Variants in VPS26A observed in about 807,000 individuals in gnomAD.
VPS26A encodes the protein VPS26 retromer complex component A, also known as vacuolar protein sorting-associated protein 26A.
VPS26A carries 22 observed loss-of-function variants against 42.4 expected under a neutral mutation model. That is an observed-to-expected ratio of 0.52 (90% CI 0.37 to 0.74). The LOEUF (loss-of-function observed/expected upper bound fraction) is 0.74. Ranked by LOEUF, VPS26A falls within the 30% of genes least tolerant of loss-of-function variation. The pLI, the probability that VPS26A is intolerant of heterozygous loss-of-function variation, is 0.00. For missense variants in VPS26A, 276 were observed against 379.2 expected (o/e 0.73, Z 2.26); for synonymous variants, 110 against 123.5 (o/e 0.89, Z 0.73).
chr10:69,165,546 C>T (rs1841665762), intron 6 of VPS26A, among the ~76,000 whole-genome samples: 1 of 152,090 alleles, frequency 6.6e-6, no homozygotes, highest in South Asian at 2.1e-4. Flanking sequence ...GGTCGCTCAC[C>T]TGTAATCCCA....
At chr10:69,130,731 T>A (rs1840756781) in intron 1 of VPS26A, among the ~76,000 whole-genome samples, 1 of 152,226 alleles carries the variant, frequency 6.6e-6, no homozygotes, top group Admixed American at 6.5e-5. Context: ...TGTAACACCA[T>A]AATGTACCTT....
In VPS26A at chr10:69,157,068, A is replaced by G; in HGVS notation, c.291A>G (p.Leu97=). The G allele has an allele frequency of 6.2e-7, 1 of 1,613,642 alleles. No individual in the cohort carries two copies. The highest frequency in any genetic ancestry group is 1.1e-5 in the South Asian group (1 of 91,052). Residue 97 remains leucine (L), a synonymous_variant, in exon 4 of 9, where the codon TTA becomes TTG. Coordinates refer to ENST00000263559, the MANE Select transcript of VPS26A (RefSeq NM_004896.5). ...EFVNLVKELA[L]PGELTQSRSY... ...TAAACCTAGTGAAAGAACTAGCCTT[A>G]CCTGGAGAACTGACTCAGAGCAGAA...
At chr10:69,163,715 CCA>C (rs951898871) in intron 6 of VPS26A, among the ~76,000 whole-genome samples, 5 of 151,910 alleles carry the variant, frequency 3.3e-5, no homozygotes, top group East Asian at 3.9e-4. Flanking sequence ...GAAATGATTA[CCA>C]CAGTCAAGCT....
At chr10:69,165,377 C>G (rs1426778681) in intron 6 of VPS26A, among the ~76,000 whole-genome samples, 1 of 152,084 alleles carries the variant, frequency 6.6e-6, no homozygotes, top group African/African-American at 2.4e-5. Context: ...GATCTCAAGG[C>G]AAGAGGTCCT....
At chr10:69,160,608 C>CAT in intron 5 of VPS26A, among the ~76,000 whole-genome samples, 1 of 151,448 alleles carries the variant, frequency 6.6e-6, no homozygotes, top group South Asian at 2.1e-4. Context: ...TGTGCCACCA[C>CAT]GCCCGGCTAA....
intron 2 of VPS26A, among the ~76,000 whole-genome samples, chr10:69,134,293 G>A (rs956960306): frequency 6.6e-6 from 1 of 151,820 alleles, no homozygotes; most frequent in African/African-American, 2.4e-5. Flanking sequence ...TTCCTCTATT[G>A]TTTGATATTT....
chr10:69,152,969 CAA>C (rs11284955), intron 2 of VPS26A, among the ~76,000 whole-genome samples: 87 of 129,502 alleles, frequency 6.7e-4, no homozygotes, highest in Non-Finnish European at 7.8e-4. Context: ...GGCTCTGTCT[CAA>C]AAAAAAAAAA....
At chr10:69,161,072 T>C (rs891503182) in intron 5 of VPS26A, among the ~76,000 whole-genome samples, 1 of 152,188 alleles carries the variant, frequency 6.6e-6, no homozygotes, top group Non-Finnish European at 1.5e-5. Flanking sequence ...TGTGTGTGTT[T>C]GTTTTGAGAA....
At chr10:69,169,887 G>A (rs1253552734) in intron 8 of VPS26A, 1 of 152,194 alleles carries the variant, frequency 6.6e-6, no homozygotes, top group Non-Finnish European at 1.5e-5. Flanking sequence ...GGGATTACAG[G>A]AATGAGCCAC....
At chr10:69,159,108 C>T (rs1233804732) in intron 5 of VPS26A, among the ~76,000 whole-genome samples, 1 of 152,142 alleles carries the variant, frequency 6.6e-6, no homozygotes, top group Non-Finnish European at 1.5e-5. Context: ...GGTGCGGTGG[C>T]TCACACCTGT....
rs929225693 is a variant in VPS26A at position 69,132,774 on chromosome 10, A to G, written c.4-124A>G. 6.9e-6 allele frequency: 7 copies of G among 1,015,720 alleles called. No homozygotes were observed. The African/African-American group carries it at 8.3e-5, about 12-fold the overall frequency. The allele number at this position is 1,015,720 out of a possible 1,614,324, so 62.9% of individuals were successfully genotyped here. A position where few individuals can be genotyped will look rare whatever the true frequency, so the allele number is the denominator to read the frequency against. ...GTAGCATTTGATATATGTTTTTATC[A>G]TTTCCTTATGAACTCACAGATTTGC... On this transcript the variant is annotated intron_variant, in intron 1 of 8. Transcript: ENST00000263559.
intron 7 of VPS26A, among the ~76,000 whole-genome samples, chr10:69,168,029 T>C (rs1007490837): frequency 1.3e-5 from 2 of 152,188 alleles, no homozygotes; most frequent in Non-Finnish European, 2.9e-5. Flanking sequence ...ACACATTCCT[T>C]GTGAATACTA....
chr10:69,161,177 A>G (rs1411305326), intron 5 of VPS26A, among the ~76,000 whole-genome samples: 1 of 152,124 alleles, frequency 6.6e-6, no homozygotes, highest in Non-Finnish European at 1.5e-5. Flanking sequence ...ATCTCACCTC[A>G]GCCTCCTGAG....
At chr10:69,125,608 T>C (rs1840633187) in intron 1 of VPS26A, among the ~76,000 whole-genome samples, 1 of 152,268 alleles carries the variant, frequency 6.6e-6, no homozygotes, top group Non-Finnish European at 1.5e-5. Flanking sequence ...TTGTAATTAT[T>C]ACTTTTAATA....
chr10:69,154,463 G>A (rs1045269217), intron 2 of VPS26A, among the ~76,000 whole-genome samples: 10 of 152,184 alleles, frequency 6.6e-5, no homozygotes, highest in African/African-American at 2.2e-4. Flanking sequence ...TTGAACTTGG[G>A]AGATGGAGGT....
Position 69,168,611 on chromosome 10 carries a change from C to T in VPS26A, c.850C>T (p.Arg284Trp), listed in dbSNP as rs372476544. Residue 284 changes from arginine to tryptophan, a missense_variant, in exon 8 of 9, where the codon CGG becomes TGG. Coordinates refer to ENST00000263559, the MANE Select transcript of VPS26A (RefSeq NM_004896.5). ...LNLVLVDEEDRRYFKQQEIIL... is the reference protein window; with the variant it reads ...LNLVLVDEEDWRYFKQQEIIL... ...TTTAGTGCTTGTTGATGAGGAAGAC[C>T]GGAGGTACTTCAAACAGCAGGTATG... 3.7e-6 allele frequency: 6 copies of T among 1,613,596 alleles called. No homozygotes were observed. Among genetic ancestry groups the T allele is most frequent in the South Asian group, 1.1e-5 (1 of 90,986 alleles).
At chr10:69,153,103 C>T (rs1352379653) in intron 2 of VPS26A, among the ~76,000 whole-genome samples, 1 of 150,874 alleles carries the variant, frequency 6.6e-6, no homozygotes, top group African/African-American at 2.4e-5. Context: ...CTCTGTTGCC[C>T]AGGCTGGAGT....
At chr10:69,130,371 A>C (rs1840749441) in intron 1 of VPS26A, among the ~76,000 whole-genome samples, 1 of 152,188 alleles carries the variant, frequency 6.6e-6, no homozygotes, top group South Asian at 2.1e-4. Flanking sequence ...TGAAACTCAA[A>C]GGGTGAATTA....
In VPS26A at chr10:69,124,212, C is replaced by T. The variant is rs758219258; in HGVS notation, c.-66C>T. On this transcript the variant is annotated 5_prime_UTR_variant, in exon 1 of 9. Transcript: ENST00000263559. ...TGACGGAGCGCCGGAGCGGAGGGAG[C>T]CGGGGCTGGGAGTTCTCCTGAGGGA... The T allele has an allele frequency of 2.0e-5, 26 of 1,269,584 alleles. No individual in the cohort carries two copies. The highest frequency in any genetic ancestry group is 3.9e-5 in the Admixed American group (1 of 25,584). The allele number at this position is 1,269,584 out of a possible 1,614,324, so 78.6% of individuals were successfully genotyped here.
Sources: allele counts gnomAD v4.1 joint callset (sites outside exome capture counted in the v4.1 genomes callset), GRCh38; gene constraint gnomAD v4.1.1; transcripts MANE v1.5; gene names NCBI Gene and HGNC (gene_info 2026-07-23, HGNC 2026-07-21).